SLC25A45: variants seen among roughly 807,000 people sequenced by gnomAD.
The protein encoded by SLC25A45 is methylated amino-acid transporter SLC25A45.
In SLC25A45, 22 loss-of-function variants were observed where a neutral mutation model predicts 23.0. The observed-to-expected ratio is 0.95, with a 90% CI of 0.68 to 1.36. SLC25A45 has a LOEUF of 1.36. Among genes scored for constraint, SLC25A45 ranks in the 40% most tolerant of loss-of-function variants. The pLI is 0.00. For missense variants in SLC25A45, 355 were observed against 383.5 expected (o/e 0.93, Z 0.62); for synonymous variants, 136 against 155.0 (o/e 0.88, Z 0.91).
intron 2 of SLC25A45, chr11:65,380,849 G>A (rs1364638618): frequency 1.3e-5 from 4 of 308,290 alleles, no homozygotes; most frequent in East Asian, 9.2e-5. Flanking sequence ...CTCAGGGCCC[G>A]GGACTGCGGC....
rs907214446 is a variant in SLC25A45 at position 65,376,470 on chromosome 11, G to A, written c.804C>T (p.Arg268=). 21 of 1,614,074 alleles carry A rather than the reference G, an allele frequency of 1.3e-5. No homozygotes were observed. Among genetic ancestry groups the A allele is most frequent in the African/African-American group, 8.0e-5 (6 of 74,938 alleles). ...AGGTGACAGCATTGACGGGAAAGGC[G>A]CGGGCACTGTTGATGGTGACCCCCC... is the stretch of plus-strand genomic sequence containing the variant. ...FFRGVTINSA[R]AFPVNAVTFL... The change falls in exon 7 of 7, where the codon CGC becomes CGT. Residue 268 remains arginine, a synonymous_variant. Coordinates refer to ENST00000398802, the MANE Select transcript of SLC25A45 (RefSeq NM_182556.4).
At position 65,376,949 on chromosome 11, in the gene SLC25A45, C is replaced by T. The variant is rs770092256; in HGVS notation, c.467G>A (p.Arg156Gln). ...GPVHCAASIF[R>Q]EEGPRGLFRG... ...GAACAGCCCCCGGGGCCCCTCCTCC[C>T]GGAAGATGGAGGCTGCACAGTGCAC... Residue 156 changes from arginine to glutamine, a missense_variant, in exon 6 of 7, where the codon CGG (arginine) becomes CAG (glutamine). Coordinates refer to ENST00000398802, the MANE Select transcript of SLC25A45 (RefSeq NM_182556.4). 24 of 1,612,826 alleles carry T rather than the reference C, an allele frequency of 1.5e-5. No homozygotes were observed. The highest frequency in any genetic ancestry group is 1.6e-4 in the Middle Eastern group (1 of 6,080).
In SLC25A45 at chr11:65,375,713, G is replaced by GGCAGGGAGGTGGGAGGCC. The variant is rs1278419799; in HGVS notation, c.*676_*693dup. ...GGTCATGGGGGAGAGAGCTTTGAAA[G>GGCAGGGAGGTGGGAGGCC]GCAGGGAGGTGGGAGGCCGCAGGGA... On this transcript the variant is annotated 3_prime_UTR_variant, in exon 7 of 7. Coordinates refer to ENST00000398802, the MANE Select transcript of SLC25A45 (RefSeq NM_182556.4). 6.6e-6 allele frequency: 1 copy of GGCAGGGAGGTGGGAGGCC among 152,468 alleles called. No homozygotes were observed. Among genetic ancestry groups the GGCAGGGAGGTGGGAGGCC allele is most frequent in the Non-Finnish European group, 1.5e-5 (1 of 68,238 alleles). The allele number at this position is 152,468 out of a possible 1,614,324, so 9.4% of individuals were successfully genotyped here. A position where few individuals can be genotyped will look rare whatever the true frequency, so the allele number is the denominator to read the frequency against.
Position 65,376,791 on chromosome 11 carries a change from C to T in SLC25A45, c.598+27G>A, listed in dbSNP as rs1216196645. On this transcript the variant is annotated intron_variant, in intron 6 of 6. Coordinates refer to ENST00000398802, the MANE Select transcript of SLC25A45 (RefSeq NM_182556.4). Reference sequence around the variant, plus strand: ...CTGCCTGCTACCCACACCTCTGTCCCCCATCCTCTCACGCCACTTTACTTA... The same window carrying T: ...CTGCCTGCTACCCACACCTCTGTCCTCCATCCTCTCACGCCACTTTACTTA... The T allele has an allele frequency of 4.3e-6, 7 of 1,614,094 alleles. No individual in the cohort carries two copies. The African/African-American group carries it at 9.3e-5, about 22-fold the overall frequency.
At chr11:65,377,751 G>C (rs1855293674) in intron 5 of SLC25A45, 1 of 152,626 alleles carries the variant, frequency 6.6e-6, no homozygotes, top group African/African-American at 2.4e-5. Context: ...GTGAGGGTCA[G>C]TGCTGGGGGG....
At chr11:65,380,356 C>A in intron 2 of SLC25A45, 181 bp from the exon 3 acceptor site, 1 of 978,520 alleles carries the variant, frequency 1.0e-6, no homozygotes, top group Non-Finnish European at 1.5e-6. Flanking sequence ...CCCCTCCACA[C>A]AGGCACTGGG....
At chr11:65,380,819 G>A (rs1162921755) in intron 2 of SLC25A45, 1 of 333,968 alleles carries the variant, frequency 3.0e-6, no homozygotes, top group African/African-American at 2.2e-5. Context: ...AAGCTGGGCT[G>A]GGACCACAGC....
intron 2 of SLC25A45, chr11:65,381,564 T>TC (rs1372472684): frequency 7.2e-6 from 1 of 139,078 alleles, no homozygotes; most frequent in Non-Finnish European, 1.5e-5. Context: ...CTGATTCTTT[T>TC]TTTTTTTTTT....
In SLC25A45 at chr11:65,382,211, G is replaced by A. The variant is rs946969414; in HGVS notation, c.-18-242C>T. On this transcript the variant is annotated intron_variant, in intron 1 of 6. Transcript: ENST00000398802. The surrounding 1 kb of genome is among the most constrained non-coding windows in gnomAD (Gnocchi z 4.4). ...CGGGACCACAGAGGCCCTGATCCCC[G>A]AGCCCGGCCAATGATCCTCGCTCTG... is the stretch of plus-strand genomic sequence containing the variant. 8.4e-5 allele frequency: 46 copies of A among 546,650 alleles called. No individual in the cohort carries two copies. The highest frequency in any genetic ancestry group is 2.7e-4 in the African/African-American group (14 of 52,706). The allele number at this position is 546,650 out of a possible 1,614,324, so 33.9% of individuals were successfully genotyped here.
In SLC25A45 at chr11:65,379,938, C is replaced by T. The variant is rs745854746; in HGVS notation, c.82G>A (p.Val28Met). 4 of 1,614,214 alleles carry T rather than the reference C, an allele frequency of 2.5e-6. No individual in the cohort carries two copies. Among genetic ancestry groups the T allele is most frequent in the Middle Eastern group, 3.3e-4 (2 of 6,062 alleles). Reference protein sequence around the residue: ...VLGHPFDTVKVRLQTQTTYRG... With the variant: ...VLGHPFDTVKMRLQTQTTYRG... ...TAGGTGGTCTGGGTCTGCAGCCTCA[C>T]CTGGGTGGGAGGACAGAGCAGGTAG... The change falls in exon 4 of 7, where the codon GTG becomes ATG. Residue 28 changes from valine (V) to methionine (M), a missense_variant and splice_region_variant. Val to Met is a conservative substitution (Grantham distance 21). Transcript: ENST00000398802.
At chr11:65,377,393 C>T in intron 5 of SLC25A45, 1 of 1,215,716 alleles carries the variant, frequency 8.2e-7, no homozygotes, top group Non-Finnish European at 1.0e-6. Context: ...AGGTTGGTTT[C>T]TGGCCTCCCT....
chr11:65,377,428 A>G, intron 5 of SLC25A45: 1 of 1,097,278 alleles, frequency 9.1e-7, no homozygotes, highest in Non-Finnish European at 1.1e-6. Flanking sequence ...GCATACCTGT[A>G]CGGTGGGCAG....
rs1555036485 is a variant in SLC25A45, at chr11:65,376,865, G to A, written c.551C>T (p.Thr184Ile). Reference protein sequence around the residue: ...DTPTVGIYFITYEGLCRQYTP... With the variant: ...DTPTVGIYFIIYEGLCRQYTP... ...GTACTGGCGACAGAGCCCTTCATAG[G>A]TGATGAAGTAGATCCCCACCGTGGG... The change falls in exon 6 of 7, where the codon ACC becomes ATC. Residue 184 changes from threonine to isoleucine, a missense_variant. Transcript: ENST00000398802. 1 of 1,614,206 alleles carries A rather than the reference G, an allele frequency of 6.2e-7. No individual in the cohort carries two copies. The highest frequency in any genetic ancestry group is 1.7e-5 in the Admixed American group (1 of 60,032).
chr11:65,383,628 G>A (rs931858046), upstream of SLC25A45: 2 of 151,874 alleles, frequency 1.3e-5, no homozygotes. Flanking sequence ...TGTGATGACG[G>A]GCGCCTGTAG....
chr11:65,376,582 A>G lies in SLC25A45; in HGVS notation c.692T>C (p.Met231Thr), dbSNP rs755135337. ...PLDMIKSRMQ[M>T]DGLRRRVYQG... ...GTACACTCTGCGTCTCAGTCCATCC[A>G]TCTGCATCCGGGACTTGATCATGTC... The change falls in exon 7 of 7, where the codon ATG becomes ACG. Residue 231 changes from methionine to threonine, a missense_variant. Met to Thr is a moderately conservative substitution (Grantham distance 81, BLOSUM62 -1). Coordinates refer to ENST00000398802, the MANE Select transcript of SLC25A45 (RefSeq NM_182556.4). The G allele has an allele frequency of 1.9e-5, 30 of 1,614,008 alleles. No homozygotes were observed. The South Asian group carries it at 3.3e-4, about 18-fold the overall frequency.
upstream of SLC25A45, chr11:65,383,312 T>G (rs1855661675): frequency 6.6e-6 from 1 of 152,304 alleles, no homozygotes; most frequent in South Asian, 2.1e-4. Context: ...AAACAGGACC[T>G]CCTACCTCCT....
Position 65,380,411 on chromosome 11 carries a change from T to C in SLC25A45, c.38-236A>G, listed in dbSNP as rs186461588. 1.1e-3 allele frequency: 1,050 copies of C among 935,982 alleles called. 13 individuals are homozygous for C. Among genetic ancestry groups the C allele is most frequent in the South Asian group, 5.0e-3 (306 of 61,416 alleles). 58.0% of individuals were successfully genotyped at this position (935,982 alleles called of 1,614,324 possible). Reference sequence around the variant, plus strand: ...AGGGACTAAGACCCCAGGCCCCACCTGAGGATGCACACCCAAGAGGGAAGA... The same window carrying C: ...AGGGACTAAGACCCCAGGCCCCACCCGAGGATGCACACCCAAGAGGGAAGA... On this transcript the variant is annotated intron_variant, in intron 2 of 6. Coordinates refer to ENST00000398802, the MANE Select transcript of SLC25A45 (RefSeq NM_182556.4).
chr11:65,379,257 G>T, intron 5 of SLC25A45, 119 bp downstream of exon 5: 1 of 1,207,374 alleles, frequency 8.3e-7, no homozygotes, highest in East Asian at 2.4e-5. Flanking sequence ...CAGGCCTCTT[G>T]TTCCCCTCCA....
At position 65,379,474 on chromosome 11, in the gene SLC25A45, G is replaced by C; in HGVS notation, c.241C>G (p.Leu81Val). Residue 81 changes from leucine to valine, a missense_variant, in exon 5 of 7, where the codon CTG becomes GTG. Coordinates refer to ENST00000398802, the MANE Select transcript of SLC25A45 (RefSeq NM_182556.4). ...TGGGAGGTGGCCGTGAGCACCAGCA[G>C]GGTGTTGCTATAGACCCCAAACAGG... ...SVLFGVYSNTLLVLTATSHQE... is the reference protein window; with the variant it reads ...SVLFGVYSNTVLVLTATSHQE... The C allele has an allele frequency of 1.2e-6, 2 of 1,614,108 alleles. No individual in the cohort carries two copies. The highest frequency in any genetic ancestry group is 1.7e-6 in the Non-Finnish European group (2 of 1,179,968).
Sources: gnomAD v4.1 joint callset for allele counts on GRCh38, gnomAD v4.1.1 for gene constraint, Gnocchi (gnomAD v3.1) non-coding constraint, MANE v1.5 for transcripts, NCBI Gene and HGNC (gene_info 2026-07-23, HGNC 2026-07-21) for gene names.